Variants in MIPOL1 observed in about 807,000 individuals in gnomAD.
MIPOL1 encodes the protein mirror-image polydactyly 1.
A neutral mutation model predicts 60.9 loss-of-function variants in MIPOL1; 57 were observed. The observed-to-expected ratio is 0.94, with a 90% confidence interval of 0.76 to 1.17. The LOEUF is 1.17. MIPOL1 is among the 50% of genes most tolerant of loss of function. The pLI is 0.00. For missense variants in MIPOL1, 551 were observed against 511.6 expected (o/e 1.08, Z -0.74); for synonymous variants, 179 against 168.8 (o/e 1.06, Z -0.47).
intron 10 of MIPOL1, among the ~76,000 whole-genome samples, chr14:37,383,789 T>C (rs964335544): frequency 6.6e-6 from 1 of 151,950 alleles, no homozygotes; most frequent in East Asian, 1.9e-4. Flanking sequence ...TAAGTAGTAA[T>C]CTTCTTTCTA....
intron 10 of MIPOL1, among the ~76,000 whole-genome samples, chr14:37,377,244 T>C (rs532925594): frequency 6.6e-6 from 1 of 152,282 alleles, no homozygotes; most frequent in East Asian, 1.9e-4. Context: ...CTTTTCTTTT[T>C]ACCAGTGAGT....
chr14:37,285,562 T>C (rs2084485882), intron 7 of MIPOL1, 115 bp downstream of exon 7: 4 of 1,018,436 alleles, frequency 3.9e-6, no homozygotes, highest in Non-Finnish European at 5.6e-6. Flanking sequence ...CACTAGGAAA[T>C]TGCATGTCTC....
At chr14:37,243,298 G>C (rs574284221) in intron 1 of MIPOL1, among the ~76,000 whole-genome samples, 16 of 152,086 alleles carry the variant, frequency 1.1e-4, no homozygotes, top group Non-Finnish European at 1.9e-4. Context: ...TAAGCAGTAG[G>C]CACACTGGGT....
chr14:37,376,904 T>A (rs1265201789), intron 10 of MIPOL1, among the ~76,000 whole-genome samples: 1 of 152,198 alleles, frequency 6.6e-6, no homozygotes, highest in African/African-American at 2.4e-5. Context: ...CCACCAGTAA[T>A]GAATGAGAGC....
chr14:37,330,710 A>T (rs1419746943), intron 9 of MIPOL1, among the ~76,000 whole-genome samples: 20 of 138,610 alleles, frequency 1.4e-4, no homozygotes, highest in East Asian at 2.1e-4. Flanking sequence ...TGTCCTCTTC[A>T]TTTTTTTTTT....
At chr14:37,215,296 G>T (rs1567017328) in intron 1 of MIPOL1, among the ~76,000 whole-genome samples, 1 of 151,740 alleles carries the variant, frequency 6.6e-6, no homozygotes, top group Non-Finnish European at 1.5e-5. Context: ...CTGGGATTTG[G>T]AGCCACTACT....
At chr14:37,292,804 C>A (rs544820688) in intron 7 of MIPOL1, among the ~76,000 whole-genome samples, 1 of 152,164 alleles carries the variant, frequency 6.6e-6, no homozygotes, top group African/African-American at 2.4e-5. Context: ...ATTTTCAGGC[C>A]TGTTTGCCTT....
chr14:37,202,210 G>C (rs1965449626), intron 1 of MIPOL1, among the ~76,000 whole-genome samples: 1 of 152,122 alleles, frequency 6.6e-6, no homozygotes, highest in African/African-American at 2.4e-5. Context: ...AAGGGTGTGA[G>C]GGTAATTTCA....
intron 9 of MIPOL1, among the ~76,000 whole-genome samples, chr14:37,331,316 G>T (rs1808994907): frequency 6.6e-6 from 1 of 151,890 alleles, no homozygotes; most frequent in South Asian, 2.1e-4. Context: ...TTTTGATGGG[G>T]ATTGCATTGA....
chr14:37,533,010 A>G (rs1157693811), intron 12 of MIPOL1, among the ~76,000 whole-genome samples: 1 of 152,116 alleles, frequency 6.6e-6, no homozygotes, highest in Non-Finnish European at 1.5e-5. Flanking sequence ...AAATATATGC[A>G]TATGTGTTAT....
intron 7 of MIPOL1, 116 bp from the exon 8 acceptor site, chr14:37,307,940 A>G (rs2086925234): frequency 2.5e-6 from 2 of 788,240 alleles, no homozygotes. Flanking sequence ...GTCATGGTTG[A>G]CTCTAAAGAC....
intron 12 of MIPOL1, among the ~76,000 whole-genome samples, chr14:37,531,531 CTATT>C (rs1485356287): frequency 1.3e-5 from 2 of 152,026 alleles, no homozygotes; most frequent in African/African-American, 4.8e-5. Flanking sequence ...TTTACAGCAA[CTATT>C]CATTCATATT....
intron 9 of MIPOL1, among the ~76,000 whole-genome samples, chr14:37,367,708 CTTATA>C (rs1245319252): frequency 6.6e-6 from 1 of 151,952 alleles, no homozygotes; most frequent in Non-Finnish European, 1.5e-5. Flanking sequence ...CCTTTGAATC[CTTATA>C]GGTCCTACTT....
At chr14:37,368,947 T>C (rs2092561306) in intron 9 of MIPOL1, among the ~76,000 whole-genome samples, 3 of 152,058 alleles carry the variant, frequency 2.0e-5, no homozygotes, top group Non-Finnish European at 4.4e-5. Flanking sequence ...AAAAGTAAAA[T>C]TTGGTCAAAA....
At chr14:37,536,662 A>G (rs1311625432) in intron 12 of MIPOL1, among the ~76,000 whole-genome samples, 2 of 152,142 alleles carry the variant, frequency 1.3e-5, no homozygotes, top group African/African-American at 4.8e-5. Context: ...CTCTATTACT[A>G]TTGGAACTCC....
At chr14:37,308,026 G>T in intron 7 of MIPOL1, 30 bp from the exon 8 acceptor site, 2 of 1,599,950 alleles carry the variant, frequency 1.3e-6, no homozygotes, top group South Asian at 1.1e-5. Context: ...AAATGCTACT[G>T]ATCAGGCTTT....
chr14:37,279,963 C>T (rs1243797065), intron 6 of MIPOL1, among the ~76,000 whole-genome samples: 1 of 152,120 alleles, frequency 6.6e-6, no homozygotes, highest in East Asian at 1.9e-4. Flanking sequence ...TCCCCAGCCT[C>T]TGGTAGCTAT....
chr14:37,215,871 C>G (rs1004852323), intron 1 of MIPOL1, among the ~76,000 whole-genome samples: 3 of 152,054 alleles, frequency 2.0e-5, no homozygotes, highest in Admixed American at 2.0e-4. Flanking sequence ...AGTTCGAGAG[C>G]AGCCTGGCCG....
Position 37,369,531 on chromosome 14 carries a change from G to C in MIPOL1, c.843G>C (p.Glu281Asp). Residue 281 changes from glutamate (E) to aspartate (D), a missense_variant, in exon 10 of 13, where the codon GAG becomes GAC. Coordinates refer to ENST00000684589, the MANE Select transcript of MIPOL1 (RefSeq NM_001388067.1). The stretch of plus-strand genomic sequence containing the variant: ...CCCTGTGGCAGTGCAAACGGTTAGA[G>C]CAGGAGCTTCATCATGTGAAAGAGC... ...DAALSKCKRL[E>D]QELHHVKEQN... 1 of 1,612,786 alleles carries C rather than the reference G, an allele frequency of 6.2e-7. No individual in the cohort carries two copies. The highest frequency in any genetic ancestry group is 1.3e-5 in the African/African-American group (1 of 74,978).
Sources: gnomAD v4.1 joint callset for allele counts (sites outside exome capture counted in the v4.1 genomes callset) on GRCh38, gnomAD v4.1.1 for gene constraint, MANE v1.5 for transcripts, NCBI Gene and HGNC (gene_info 2026-07-23, HGNC 2026-07-21) for gene names.